Variants in SCAMP5 observed in about 807,000 individuals in gnomAD.
The protein encoded by SCAMP5 is secretory carrier membrane protein 5.
In SCAMP5, 7 loss-of-function variants were observed where a neutral mutation model predicts 28.3. The observed-to-expected ratio is 0.25, with a 90% confidence interval of 0.14 to 0.46. SCAMP5 has a LOEUF of 0.46. Among genes scored for constraint, SCAMP5 ranks in the 20% least tolerant of loss-of-function variants. The probability of loss-of-function intolerance (pLI) is 0.99; values close to 1 mark genes in which losing one functional copy is unlikely to be tolerated. For missense variants in SCAMP5, 192 were observed against 312.5 expected, an observed-to-expected ratio of 0.61 and a Z score of 2.91; for synonymous variants, 117 against 116.4, an observed-to-expected ratio of 1.00 and a Z score of -0.03.
At chr15:75,011,944 C>T in intron 2 of SCAMP5, 98 bp downstream of exon 2, 1 of 1,002,424 alleles carries the variant, frequency 1.0e-6, no homozygotes, top group Non-Finnish European at 1.5e-6. Context: ...TCTTTGGAGG[C>T]CAGGTTCTTT....
In SCAMP5 at chr15:75,018,555, G is replaced by A. The variant is rs2065879083; in HGVS notation, c.513+20G>A. ...AGCATGGTACGTGGTCCCCTCAAGG[G>A]TGAGAAGGTGGCTTTGGGAAGGGGC... is the stretch of plus-strand genomic sequence containing the variant. On this transcript the variant is annotated intron_variant, in intron 6 of 6. Transcript: ENST00000425597. This position sits in a 1 kb window ranked among gnomAD's most constrained non-coding sequence, Gnocchi z 5.6. 1 of 1,524,534 alleles carries A rather than the reference G, an allele frequency of 6.6e-7. No homozygotes were observed. Among genetic ancestry groups the A allele is most frequent in the African/African-American group, 1.4e-5 (1 of 73,108 alleles). 94.4% of individuals were successfully genotyped at this position (1,524,534 alleles called of 1,614,324 possible). A position where few individuals can be genotyped will look rare whatever the true frequency, so the allele number is the denominator to read the frequency against.
At chr15:75,014,563 T>A (rs2065842829) in intron 3 of SCAMP5, among the ~76,000 whole-genome samples, 1 of 152,188 alleles carries the variant, frequency 6.6e-6, no homozygotes, top group Admixed American at 6.5e-5. Context: ...TGGGGTCCCC[T>A]TTTTTCTTAG....
In SCAMP5 at chr15:75,017,881, C is replaced by G; in HGVS notation, c.305C>G (p.Ser102Cys). The change falls in exon 5 of 7, where the codon TCC becomes TGC. Residue 102 changes from serine to cysteine, a missense_variant. By Grantham distance (112) the Ser-to-Cys change is moderately radical. Transcript: ENST00000425597. ...CTCCTCTGCCGCAGGACTGACAGCT[C>G]CTTCAGTTTCATGGCATTCTTCTTT... ...PIYKAFKTDS[S>C]FSFMAFFFTF... 1 of 1,613,176 alleles carries G rather than the reference C, an allele frequency of 6.2e-7. No individual in the cohort carries two copies. Among genetic ancestry groups the G allele is most frequent in the Non-Finnish European group, 8.5e-7 (1 of 1,179,176 alleles).
chr15:75,013,173 C>A (rs542607824), intron 3 of SCAMP5: 1 of 190,940 alleles, frequency 5.2e-6, no homozygotes, highest in African/African-American at 2.3e-5. Flanking sequence ...ACTGTCAGGA[C>A]CTCAGGATTC....
chr15:75,009,935 T>A (rs1011752754), intron 1 of SCAMP5: 1 of 152,228 alleles, frequency 6.6e-6, no homozygotes, highest in African/African-American at 2.4e-5. Flanking sequence ...CGCTGCCCCA[T>A]CAAGGGTAAT....
intron 1 of SCAMP5, among the ~76,000 whole-genome samples, chr15:75,000,243 G>A (rs1360239607): frequency 6.6e-6 from 1 of 152,206 alleles, no homozygotes; most frequent in Non-Finnish European, 1.5e-5. Flanking sequence ...TGTCCAGGCT[G>A]TAGTGCAGTG....
rs2141460824 is a variant in SCAMP5, at chr15:75,019,812, G to C, written c.*829G>C. The C allele has an allele frequency of 6.5e-6, 1 of 152,762 alleles. No individual in the cohort carries two copies. The highest frequency in any genetic ancestry group is 1.9e-4 in the East Asian group (1 of 5,178). 9.5% of individuals were successfully genotyped at this position (152,762 alleles called of 1,614,324 possible). ...ACAGCTGGGGGTGCAGAGCCCACCT[G>C]GGTACCTGACCCCCAGGGGATGAAA... On this transcript the variant is annotated 3_prime_UTR_variant, in exon 7 of 7. Transcript: ENST00000425597.
intron 1 of SCAMP5, among the ~76,000 whole-genome samples, chr15:75,001,898 A>G (rs944665970): frequency 2.1e-5 from 3 of 140,652 alleles, no homozygotes; most frequent in Non-Finnish European, 4.6e-5. Flanking sequence ...AAAAAAAAAA[A>G]GAGACTAACC....
At chr15:75,016,460 C>A in intron 3 of SCAMP5, 133 bp from the exon 4 acceptor site, 1 of 745,648 alleles carries the variant, frequency 1.3e-6, no homozygotes, top group Non-Finnish European at 2.2e-6. Context: ...TGCTTGTCTG[C>A]GCTGTTGGCC....
At chr15:75,006,375 G>A (rs534016437) in intron 1 of SCAMP5, among the ~76,000 whole-genome samples, 4 of 151,560 alleles carry the variant, frequency 2.6e-5, no homozygotes, top group Admixed American at 6.6e-5. Context: ...TATGTGGGCC[G>A]GGCACTGTGG....
At chr15:75,000,932 C>G (rs2065700483) in intron 1 of SCAMP5, among the ~76,000 whole-genome samples, 1 of 152,008 alleles carries the variant, frequency 6.6e-6, no homozygotes. Context: ...TTTCCTGATT[C>G]TCTTTCCCTG....
rs932755330 is a variant in SCAMP5, at chr15:75,012,976, T to C, written c.136+171T>C. 3 of 636,210 alleles carry C rather than the reference T, an allele frequency of 4.7e-6. No individual in the cohort carries two copies. In the African/African-American group the frequency reaches 5.5e-5, roughly 12 times the overall value. The allele number at this position is 636,210 out of a possible 1,614,324, so 39.4% of individuals were successfully genotyped here. ...GCCAGGCTCCCAGAGGCTTCTTCCATGGGCCACCTCCCCGACTGGGCCTCA... is the reference window on the plus strand; with the variant it reads ...GCCAGGCTCCCAGAGGCTTCTTCCACGGGCCACCTCCCCGACTGGGCCTCA... On this transcript the variant is annotated intron_variant, in intron 3 of 6. Coordinates refer to ENST00000425597, the MANE Select transcript of SCAMP5 (RefSeq NM_138967.4).
rs543097437 is a variant in SCAMP5 at position 75,015,305 on chromosome 15, T to C, written c.137-1288T>C. Among the ~76,000 whole-genome samples the C allele has an allele frequency of 1.3e-3, 203 of 152,196 alleles. 1 individual carries two copies. Among genetic ancestry groups the C allele is most frequent in the Middle Eastern group, 6.8e-3 (2 of 294 alleles). On this transcript the variant is annotated intron_variant, in intron 3 of 6. Coordinates refer to ENST00000425597, the MANE Select transcript of SCAMP5 (RefSeq NM_138967.4). ...TTAGCTTTGTTTTCAAGGAAGGGAG[T>C]GCCCTGATGTTAGATAATGATGTGC...
intron 1 of SCAMP5, among the ~76,000 whole-genome samples, chr15:75,000,896 A>G (rs946191343): frequency 2.0e-5 from 3 of 151,746 alleles, no homozygotes; most frequent in South Asian, 2.1e-4. Flanking sequence ...ATGCCGTGCT[A>G]TTGCTCTTCT....
At chr15:75,010,793 T>A (rs925421925) in intron 1 of SCAMP5, among the ~76,000 whole-genome samples, 1 of 149,990 alleles carries the variant, frequency 6.7e-6, no homozygotes, top group African/African-American at 2.5e-5. Flanking sequence ...AAAAAAAAAA[T>A]GTGAAGCTCC....
chr15:74,998,155 T>C (rs8031545), intron 1 of SCAMP5, among the ~76,000 whole-genome samples: 30,417 of 152,164 alleles, frequency 0.2, 4,855 homozygotes, highest in South Asian at 0.43. Flanking sequence ...ACATTATAGT[T>C]AGGGTTTCAT....
At chr15:75,003,290 G>A (rs1233852759) in intron 1 of SCAMP5, among the ~76,000 whole-genome samples, 8 of 152,204 alleles carry the variant, frequency 5.3e-5, no homozygotes, top group Admixed American at 5.2e-4. Flanking sequence ...AACTGATGAT[G>A]TCATCAATTA....
At chr15:75,010,550 T>G (rs2065801930) in intron 1 of SCAMP5, among the ~76,000 whole-genome samples, 1 of 152,220 alleles carries the variant, frequency 6.6e-6, no homozygotes, top group Non-Finnish European at 1.5e-5. Context: ...GGGTGGCTCA[T>G]GCCTATAATC....
chr15:75,010,095 C>T (rs923381894), intron 1 of SCAMP5, among the ~76,000 whole-genome samples: 3 of 152,204 alleles, frequency 2.0e-5, no homozygotes, highest in Non-Finnish European at 2.9e-5. Context: ...ACCAAAGTCA[C>T]TGTTCTAACA....
Sources: gnomAD v4.1 joint callset for allele counts (sites outside exome capture counted in the v4.1 genomes callset) on GRCh38, gnomAD v4.1.1 for gene constraint, Gnocchi (gnomAD v3.1) non-coding constraint, MANE v1.5 for transcripts, NCBI Gene and HGNC (gene_info 2026-07-23, HGNC 2026-07-21) for gene names.